The following C9orf85 variants were observed in gnomAD, a reference collection of about 807,000 sequenced individuals.
C9orf85 encodes the protein chromosome 9 open reading frame 85, also known as uncharacterized protein C9orf85.
A neutral mutation model predicts 14.9 loss-of-function variants in C9orf85; 16 were observed. That is an observed-to-expected ratio of 1.08 (90% confidence interval 0.73 to 1.63). The LOEUF (loss-of-function observed/expected upper bound fraction) is 1.63, where lower values mean the gene tolerates loss of function less well. Ranked by LOEUF, C9orf85 falls within the 40% of genes most tolerant of loss-of-function variation. The pLI is 0.00. For synonymous variants in C9orf85, 45 were observed against 56.8 expected (o/e 0.79, Z 0.93); for missense variants, 172 against 186.1 (o/e 0.92, Z 0.44).
chr9:71,911,808 A>G lies in C9orf85; in HGVS notation c.74A>G (p.Asp25Gly), dbSNP rs147625713. ...KHQNTFSFKN[D>G]KFDKSVQTKK... ...CAGAATACGTTTAGCTTCAAAAATG[A>G]CAAGTTCGATAAAAGTGTGCAGACC... is the stretch of plus-strand genomic sequence containing the variant. The change falls in exon 1 of 4, where the codon GAC becomes GGC. Residue 25 changes from aspartate (D) to glycine (G), a missense_variant. Transcript: ENST00000334731. 1.2e-6 allele frequency: 2 copies of G among 1,613,976 alleles called. No individual in the cohort carries two copies. Among genetic ancestry groups the G allele is most frequent in the African/African-American group, 1.3e-5 (1 of 74,914 alleles).
intron 3 of C9orf85, among the ~76,000 whole-genome samples, chr9:71,979,235 G>A (rs2132376202): frequency 6.6e-6 from 1 of 152,268 alleles, no homozygotes; most frequent in South Asian, 2.1e-4. Flanking sequence ...TCTCACCGCT[G>A]TGACACTGTT....
intron 3 of C9orf85, among the ~76,000 whole-genome samples, chr9:71,972,190 T>C (rs545653903): frequency 5.9e-5 from 9 of 152,178 alleles, no homozygotes; most frequent in Non-Finnish European, 1.2e-4. Flanking sequence ...ATAGACATCA[T>C]ATATTAATTT....
chr9:71,933,609 G>A (rs1054345633), intron 1 of C9orf85, among the ~76,000 whole-genome samples: 1 of 152,118 alleles, frequency 6.6e-6, no homozygotes, highest in African/African-American at 2.4e-5. Flanking sequence ...GCCATGTTAC[G>A]TGTAATAGTA....
At chr9:71,967,974 C>T (rs887218754) in intron 2 of C9orf85, among the ~76,000 whole-genome samples, 1 of 151,930 alleles carries the variant, frequency 6.6e-6, no homozygotes, top group African/African-American at 2.4e-5. Flanking sequence ...GCTTTTTTCA[C>T]ATCTAATAAC....
chr9:71,979,659 A>G (rs1474971898), intron 3 of C9orf85, among the ~76,000 whole-genome samples: 1 of 152,222 alleles, frequency 6.6e-6, no homozygotes, highest in Admixed American at 6.5e-5. Context: ...GTGTGAGTGC[A>G]ATAGCAAGCT....
chr9:71,967,494 T>G (rs1413745403), intron 2 of C9orf85, among the ~76,000 whole-genome samples: 1 of 152,204 alleles, frequency 6.6e-6, no homozygotes, highest in African/African-American at 2.4e-5. Context: ...CTGTTGTAAT[T>G]TCTTTGCTTT....
chr9:71,939,192 T>C (rs1356096693), intron 1 of C9orf85, among the ~76,000 whole-genome samples: 1 of 151,840 alleles, frequency 6.6e-6, no homozygotes, highest in Non-Finnish European at 1.5e-5. Flanking sequence ...AAATAATATA[T>C]ATATACAATG....
downstream of C9orf85, chr9:71,984,960 C>G (rs1287307472): frequency 6.6e-6 from 1 of 152,200 alleles, no homozygotes; most frequent in Non-Finnish European, 1.5e-5. Flanking sequence ...GAGAGAGAGG[C>G]ATGATGAAGA....
At chr9:71,969,678 T>A (rs1176515625) in intron 2 of C9orf85, among the ~76,000 whole-genome samples, 3 of 152,194 alleles carry the variant, frequency 2.0e-5, no homozygotes, top group Admixed American at 2.0e-4. Flanking sequence ...TTTAGATAAC[T>A]TTTTTGTTTA....
At chr9:71,944,851 T>G (rs1303306776) in intron 1 of C9orf85, among the ~76,000 whole-genome samples, 4 of 152,208 alleles carry the variant, frequency 2.6e-5, no homozygotes, top group Admixed American at 6.5e-5. Context: ...TAGTGCCTGT[T>G]AGTCATATGA....
intron 1 of C9orf85, among the ~76,000 whole-genome samples, chr9:71,946,706 T>C (rs1822096116): frequency 6.6e-6 from 1 of 151,880 alleles, no homozygotes; most frequent in African/African-American, 2.4e-5. Context: ...GGCAGGAGTA[T>C]TGCTTGAGCC....
chr9:71,962,409 G>A (rs1822543086), intron 2 of C9orf85, among the ~76,000 whole-genome samples: 1 of 152,208 alleles, frequency 6.6e-6, no homozygotes, highest in Non-Finnish European at 1.5e-5. Context: ...GTTGACTACA[G>A]ATGACTTAGA....
At chr9:71,928,001 C>T (rs1198908079) in intron 1 of C9orf85, among the ~76,000 whole-genome samples, 2 of 152,130 alleles carry the variant, frequency 1.3e-5, no homozygotes, top group Admixed American at 1.3e-4. Flanking sequence ...GCCTGGCCAA[C>T]ATGATGAAAC....
At chr9:71,968,876 T>C (rs1217334789) in intron 2 of C9orf85, among the ~76,000 whole-genome samples, 2 of 152,154 alleles carry the variant, frequency 1.3e-5, no homozygotes, top group African/African-American at 4.8e-5. Context: ...TCCAACTGGC[T>C]ATTTTAAACA....
At chr9:71,981,039 G>A (rs577630470) in intron 3 of C9orf85, among the ~76,000 whole-genome samples, 6 of 152,304 alleles carry the variant, frequency 3.9e-5, no homozygotes, top group South Asian at 4.1e-4. Flanking sequence ...ACTACTGTCC[G>A]TAAATGTGAG....
At chr9:71,981,830 A>G (rs1337637058) in intron 3 of C9orf85, among the ~76,000 whole-genome samples, 2 of 152,210 alleles carry the variant, frequency 1.3e-5, no homozygotes, top group Non-Finnish European at 2.9e-5. Flanking sequence ...ATTGTGCTGT[A>G]AAGTCAGTTA....
intron 1 of C9orf85, among the ~76,000 whole-genome samples, chr9:71,913,671 G>A (rs1304497537): frequency 6.6e-6 from 1 of 152,114 alleles, no homozygotes; most frequent in Non-Finnish European, 1.5e-5. Context: ...CTTACCCTAA[G>A]GTTGTGCACA....
intron 2 of C9orf85, among the ~76,000 whole-genome samples, chr9:71,960,043 G>A (rs1280999922): frequency 6.6e-6 from 1 of 152,184 alleles, no homozygotes; most frequent in East Asian, 1.9e-4. Context: ...GATAATTCTG[G>A]GCAGTTTGCA....
At chr9:71,958,325 T>C (rs1320866834) in intron 2 of C9orf85, among the ~76,000 whole-genome samples, 1 of 150,604 alleles carries the variant, frequency 6.6e-6, no homozygotes, top group Admixed American at 6.7e-5. Flanking sequence ...TGCAATGGCA[T>C]GATCTCTGCT....
Sources: allele counts gnomAD v4.1 joint callset (sites outside exome capture counted in the v4.1 genomes callset), GRCh38; gene constraint gnomAD v4.1.1; transcripts MANE v1.5; gene names NCBI Gene and HGNC (gene_info 2026-07-23, HGNC 2026-07-21).